NTNG1: variants seen among roughly 807,000 people sequenced by gnomAD.
NTNG1 encodes netrin G1.
A neutral mutation model predicts 54.0 loss-of-function variants in NTNG1; 16 were observed. The observed-to-expected ratio is 0.30, with a 90% CI of 0.20 to 0.45. The LOEUF (loss-of-function observed/expected upper bound fraction) is 0.45, where lower values mean the gene tolerates loss of function less well. NTNG1 is among the 20% of genes least tolerant of loss of function. The pLI, the probability that NTNG1 is intolerant of heterozygous loss-of-function variation, is 1.00. For synonymous variants in NTNG1, 255 were observed against 263.1 expected (o/e 0.97, Z 0.30); for missense variants, 530 against 678.7 (o/e 0.78, Z 2.43).
chr1:107,473,170 G>A (rs139296033), intron 7 of NTNG1, among the ~76,000 whole-genome samples: 12 of 152,250 alleles, frequency 7.9e-5, no homozygotes, highest in East Asian at 1.9e-4. Context: ...TCATGGTAAC[G>A]CATTACATTG....
chr1:107,160,692 C>G (rs944670253), intron 2 of NTNG1, among the ~76,000 whole-genome samples: 4 of 152,100 alleles, frequency 2.6e-5, no homozygotes, highest in Admixed American at 2.0e-4. Flanking sequence ...TAATCTGGCT[C>G]CTGCATGCCT....
chr1:107,377,144 T>C (rs997003164), intron 3 of NTNG1, among the ~76,000 whole-genome samples: 7 of 152,182 alleles, frequency 4.6e-5, no homozygotes, highest in African/African-American at 1.7e-4. Flanking sequence ...CATACTTCCT[T>C]AAAACAAGGT....
intron 7 of NTNG1, among the ~76,000 whole-genome samples, chr1:107,443,420 G>A (rs868645965): frequency 9.4e-5 from 12 of 127,930 alleles, no homozygotes; most frequent in African/African-American, 3.4e-4. Flanking sequence ...GGAGGGGATA[G>A]GGGATTAACT....
At chr1:107,411,680 G>A (rs1570904161) in intron 5 of NTNG1, among the ~76,000 whole-genome samples, 3 of 152,142 alleles carry the variant, frequency 2.0e-5, no homozygotes, top group Middle Eastern at 6.8e-3. Context: ...TTTATGTAAT[G>A]AGGAAAAAAT....
At chr1:107,458,932 G>T (rs116702621) in intron 7 of NTNG1, among the ~76,000 whole-genome samples, 9 of 152,142 alleles carry the variant, frequency 5.9e-5, no homozygotes, top group African/African-American at 2.2e-4. Flanking sequence ...GCCTTGTTTC[G>T]TTCTACTTCC....
intron 2 of NTNG1, among the ~76,000 whole-genome samples, chr1:107,210,940 G>T (rs1659560251): frequency 6.6e-6 from 1 of 152,092 alleles, no homozygotes; most frequent in Admixed American, 6.6e-5. Flanking sequence ...AATTGTCTTA[G>T]CTTGGCTAGT....
At chr1:107,381,348 T>TAAAAAAAAAAAA (rs10598493) in intron 3 of NTNG1, among the ~76,000 whole-genome samples, 1 of 51,656 alleles carries the variant, frequency 1.9e-5, no homozygotes, top group East Asian at 6.8e-4. Context: ...TCTCTTTAAC[T>TAAAAAAAAAAAA]AAAAAAAAAA....
chr1:107,168,260 A>C (rs1455832507), intron 2 of NTNG1, among the ~76,000 whole-genome samples: 1 of 151,818 alleles, frequency 6.6e-6, no homozygotes, highest in East Asian at 1.9e-4. Context: ...CCTCATTTTC[A>C]CTTTAGAATC....
At chr1:107,184,141 G>C (rs1409789207) in intron 2 of NTNG1, among the ~76,000 whole-genome samples, 1 of 152,094 alleles carries the variant, frequency 6.6e-6, no homozygotes, top group Non-Finnish European at 1.5e-5. Flanking sequence ...TTGAAGTCTA[G>C]GATGTTGTCA....
chr1:107,480,583 C>CCCCCCCCACCAA, intron 7 of NTNG1, 28 bp from the exon 8 acceptor site: 2 of 744,750 alleles, frequency 2.7e-6, no homozygotes, highest in Non-Finnish European at 4.5e-6. Flanking sequence ...CGCGCCCACC[C>CCCCCCCCACCAA]ACCCCTACCT....
intron 2 of NTNG1, among the ~76,000 whole-genome samples, chr1:107,301,498 G>A (rs1666315180): frequency 6.6e-6 from 1 of 151,962 alleles, no homozygotes; most frequent in Non-Finnish European, 1.5e-5. Context: ...TAGAATGTAG[G>A]GAACATGCAC....
chr1:107,301,949 T>C (rs1187704527), intron 2 of NTNG1, among the ~76,000 whole-genome samples: 1 of 152,188 alleles, frequency 6.6e-6, no homozygotes, highest in Non-Finnish European at 1.5e-5. Flanking sequence ...GTTCAAGTTT[T>C]CTGAAAATCA....
intron 3 of NTNG1, among the ~76,000 whole-genome samples, chr1:107,357,472 C>T (rs1178213031): frequency 6.6e-6 from 1 of 152,168 alleles, no homozygotes; most frequent in East Asian, 1.9e-4. Flanking sequence ...CATATGAGAG[C>T]TCAGCTTTTA....
intron 4 of NTNG1, among the ~76,000 whole-genome samples, chr1:107,406,146 G>T (rs1220137924): frequency 6.6e-6 from 1 of 152,096 alleles, no homozygotes; most frequent in Non-Finnish European, 1.5e-5. Flanking sequence ...GGGTTTAAAA[G>T]AATCAGAGTA....
intron 2 of NTNG1, among the ~76,000 whole-genome samples, chr1:107,174,417 C>T (rs1319157755): frequency 6.6e-6 from 1 of 151,980 alleles, no homozygotes; most frequent in African/African-American, 2.4e-5. Flanking sequence ...CTACTTAATT[C>T]TTTATTTTCT....
intron 3 of NTNG1, among the ~76,000 whole-genome samples, chr1:107,392,020 A>G (rs1672395633): frequency 6.6e-6 from 1 of 152,176 alleles, no homozygotes; most frequent in African/African-American, 2.4e-5. Flanking sequence ...AGATGGTACA[A>G]TTTACTAAGA....
intron 3 of NTNG1, among the ~76,000 whole-genome samples, chr1:107,338,640 C>G (rs1397341141): frequency 1.3e-5 from 2 of 151,780 alleles, no homozygotes; most frequent in Non-Finnish European, 2.9e-5. Flanking sequence ...TAAGCACCTC[C>G]CAAAATTACA....
chr1:107,213,563 T>C (rs1448806115), intron 2 of NTNG1, among the ~76,000 whole-genome samples: 1 of 151,994 alleles, frequency 6.6e-6, no homozygotes, highest in Admixed American at 6.6e-5. Context: ...CTCTGATTGG[T>C]TTATCCCAAG....
At chr1:107,397,480 C>T (rs1177801665) in intron 4 of NTNG1, among the ~76,000 whole-genome samples, 1 of 152,116 alleles carries the variant, frequency 6.6e-6, no homozygotes, top group Non-Finnish European at 1.5e-5. Context: ...TCTCCATTTA[C>T]TAGCTATGTG....
Sources: allele counts gnomAD v4.1 joint callset (sites outside exome capture counted in the v4.1 genomes callset), GRCh38; gene constraint gnomAD v4.1.1; transcripts MANE v1.5; gene names NCBI Gene and HGNC (gene_info 2026-07-23, HGNC 2026-07-21).